FOXK2: variants seen among roughly 807,000 people sequenced by gnomAD.
FOXK2 encodes forkhead box K2.
Under a neutral mutation model 53.3 loss-of-function variants are expected in FOXK2, and 24 were observed. The ratio of observed to expected loss-of-function variants is 0.45; its 90% CI spans 0.33 to 0.63. The LOEUF is 0.63. Among genes scored for constraint, FOXK2 ranks in the 30% least tolerant of loss-of-function variants. The probability of loss-of-function intolerance (pLI) is 0.03; values close to 1 mark genes in which losing one functional copy is unlikely to be tolerated. For synonymous variants in FOXK2, 505 were observed against 407.1 expected, an observed-to-expected ratio of 1.24 and a Z score of -2.89; for missense variants, 952 against 910.5, an observed-to-expected ratio of 1.05 and a Z score of -0.59.
At position 82,582,821 on chromosome 17, in the gene FOXK2, G is replaced by A. The variant is rs762735443; in HGVS notation, c.990G>A (p.Ser330=). Residue 330 remains serine (S), a synonymous_variant, in exon 5 of 9, where the codon TCG becomes TCA. Transcript: ENST00000335255. The part of the protein sequence containing the change: ...PRSQEEPGKG[S]FWRIDPASES... ...CCCAGGAAGAACCAGGCAAAGGCTC[G>A]TTCTGGAGGATAGACCCAGCCTCTG... is the stretch of plus-strand genomic sequence containing the variant. 9 of 1,613,058 alleles carry A rather than the reference G, an allele frequency of 5.6e-6. No homozygotes were observed. The highest frequency in any genetic ancestry group is 2.7e-5 in the African/African-American group (2 of 74,876).
intron 1 of FOXK2, among the ~76,000 whole-genome samples, chr17:82,524,337 T>C (rs2044396720): frequency 6.6e-6 from 1 of 152,240 alleles, no homozygotes; most frequent in Non-Finnish European, 1.5e-5. Context: ...AAAATGAATT[T>C]ATGTTTTGAA....
At chr17:82,586,939 G>C in intron 7 of FOXK2, 124 bp from the exon 8 acceptor site, 2 of 864,292 alleles carry the variant, frequency 2.3e-6, no homozygotes, top group South Asian at 1.6e-5. Context: ...TTTCTAATTT[G>C]CTGTTTGTTT....
At chr17:82,539,147 C>T (rs762165911) in intron 1 of FOXK2, among the ~76,000 whole-genome samples, 4 of 149,018 alleles carry the variant, frequency 2.7e-5, no homozygotes, top group Admixed American at 2.0e-4. Flanking sequence ...GGTGGCCGGG[C>T]GTGGTGGCTC....
rs1160411637 is a variant in FOXK2, at chr17:82,519,944, G to C, written c.56G>C (p.Gly19Ala). 1 of 822,968 alleles carries C rather than the reference G, an allele frequency of 1.2e-6. No individual in the cohort carries two copies. Among genetic ancestry groups the C allele is most frequent in the Non-Finnish European group, 1.4e-6 (1 of 691,602 alleles). The allele number at this position is 822,968 out of a possible 1,614,324, so 51.0% of individuals were successfully genotyped here. A position where few individuals can be genotyped will look rare whatever the true frequency, so the allele number is the denominator to read the frequency against. The change falls in exon 1 of 9, where the codon GGG (glycine) becomes GCG (alanine). Residue 19 changes from glycine to alanine, a missense_variant. This residue lies in a region of FOXK2 where 163 missense variants were observed against 165.5 expected (regional missense o/e 0.98). Coordinates refer to ENST00000335255, the MANE Select transcript of FOXK2 (RefSeq NM_004514.4). ...SGAGTPPAGGGAGGGGAGGGG... is the reference protein window; with the variant it reads ...SGAGTPPAGGAAGGGGAGGGG... Reference sequence around the variant, plus strand: ...GCGGGCACGCCACCCGCGGGCGGCGGGGCCGGGGGCGGCGGGGCCGGGGGC... The same window carrying C: ...GCGGGCACGCCACCCGCGGGCGGCGCGGCCGGGGGCGGCGGGGCCGGGGGC...
intron 1 of FOXK2, among the ~76,000 whole-genome samples, chr17:82,529,258 T>C (rs932888761): frequency 1.2e-4 from 18 of 144,324 alleles, no homozygotes. Flanking sequence ...GGTCTTGCTC[T>C]GTTTCCCAGG....
chr17:82,576,876 C>A, intron 4 of FOXK2: 1 of 499,478 alleles, frequency 2.0e-6, no homozygotes, highest in Non-Finnish European at 3.6e-6. Context: ...AAAATGTATG[C>A]AGGCTGGGTG....
chr17:82,543,414 G>A (rs1050181402), intron 1 of FOXK2, among the ~76,000 whole-genome samples: 2 of 152,046 alleles, frequency 1.3e-5, no homozygotes, highest in Admixed American at 6.6e-5. Context: ...CTTTTAAGGG[G>A]CAGACTGATA....
chr17:82,582,465 T>A (rs2045075463), intron 4 of FOXK2, among the ~76,000 whole-genome samples: 1 of 152,200 alleles, frequency 6.6e-6, no homozygotes, highest in Middle Eastern at 3.2e-3. Context: ...GGAGGGCTGC[T>A]CCTTCCACAC....
chr17:82,521,566 C>T lies in FOXK2; in HGVS notation c.419+1259C>T, dbSNP rs117244838. On this transcript the variant is annotated intron_variant, in intron 1 of 8. Coordinates refer to ENST00000335255, the MANE Select transcript of FOXK2 (RefSeq NM_004514.4). The stretch of plus-strand genomic sequence containing the variant: ...CTTGCGTGTTGTGTGTGTGTGCATG[C>T]GCTGTTCTGTTTCTTAGCATGGAAA... Among the ~76,000 whole-genome samples the T allele has an allele frequency of 2.5e-4, 38 of 151,936 alleles. No homozygotes were observed. In the East Asian group the frequency reaches 7.0e-3, roughly 28 times the overall value.
At chr17:82,563,266 TG>T (rs2044816562) in intron 1 of FOXK2, 87 bp from the exon 2 acceptor site, 1 of 1,272,828 alleles carries the variant, frequency 7.9e-7, no homozygotes, top group Admixed American at 2.4e-5. Flanking sequence ...TGTTCTCAGC[TG>T]CTCCAGTGTT....
chr17:82,585,848 C>G (rs529602671), intron 6 of FOXK2, 56 bp from the exon 7 acceptor site: 98 of 1,556,200 alleles, frequency 6.3e-5, no homozygotes, highest in Non-Finnish European at 8.2e-5. Context: ...GTGTGAGAAC[C>G]TTTGTTTGTA....
chr17:82,558,263 G>A (rs2044753663), intron 1 of FOXK2, among the ~76,000 whole-genome samples: 4 of 152,166 alleles, frequency 2.6e-5, no homozygotes, highest in Non-Finnish European at 4.4e-5. Flanking sequence ...CCTTGAGCCT[G>A]GGAAGTTGAG....
chr17:82,554,442 C>T (rs1339997711), intron 1 of FOXK2, among the ~76,000 whole-genome samples: 1 of 152,132 alleles, frequency 6.6e-6, no homozygotes, highest in African/African-American at 2.4e-5. Flanking sequence ...CCACAAGAAA[C>T]TAGAACAGGA....
chr17:82,595,707 G>A, intron 8 of FOXK2: 1 of 1,204,220 alleles, frequency 8.3e-7, no homozygotes, highest in Non-Finnish European at 1.1e-6. Flanking sequence ...TATTAAGCCT[G>A]TGTCACTATT....
intron 8 of FOXK2, chr17:82,596,088 T>C: frequency 1.1e-6 from 1 of 897,050 alleles, no homozygotes; most frequent in Non-Finnish European, 1.4e-6. Context: ...GTAGACACAT[T>C]AGAGTCGGTT....
chr17:82,557,324 G>T (rs2044739169), intron 1 of FOXK2, among the ~76,000 whole-genome samples: 1 of 151,332 alleles, frequency 6.6e-6, no homozygotes, highest in South Asian at 2.1e-4. Context: ...GAGCCACCGT[G>T]CCTGGCCTAT....
chr17:82,587,220 C>G lies in FOXK2; in HGVS notation c.1734C>G (p.Asn578Lys). The G allele has an allele frequency of 6.2e-7, 1 of 1,613,064 alleles. No homozygotes were observed. Among genetic ancestry groups the G allele is most frequent in the Middle Eastern group, 1.6e-4 (1 of 6,062 alleles). ...HQLPIKTVTQ[N>K]GTHVASVPTA... ...TACCAATAAAAACTGTAACACAAAA[C>G]GGCACTCACGTGGCATCAGTCCCCA... The change falls in exon 8 of 9, where the codon AAC becomes AAG. Residue 578 changes from asparagine to lysine, a missense_variant. Coordinates refer to ENST00000335255, the MANE Select transcript of FOXK2 (RefSeq NM_004514.4).
chr17:82,572,207 T>A (rs1015268560), intron 4 of FOXK2: 1 of 197,324 alleles, frequency 5.1e-6, no homozygotes, highest in African/African-American at 2.3e-5. Context: ...TAGGAGAAAT[T>A]TAAAACCCAG....
rs557141919 is a variant in FOXK2, at chr17:82,575,947, C to G, written c.909+4077C>G. On this transcript the variant is annotated intron_variant, in intron 4 of 8. Coordinates refer to ENST00000335255, the MANE Select transcript of FOXK2 (RefSeq NM_004514.4). ...GCTTGGGTGGCGGCGGCGGGTTCAT[C>G]CACACCAGCGTGTGTGCTCGGGTGG... Among the ~76,000 whole-genome samples the G allele has an allele frequency of 7.3e-5, 10 of 136,230 alleles. No individual in the cohort carries two copies. The East Asian group carries it at 2.3e-3, about 31-fold the overall frequency. The allele number at this position is 136,230 out of a possible 152,430, so 89.4% of individuals were successfully genotyped here. A position where few individuals can be genotyped will look rare whatever the true frequency, so the allele number is the denominator to read the frequency against.
Sources: gnomAD v4.1 joint callset for allele counts (sites outside exome capture counted in the v4.1 genomes callset) on GRCh38, gnomAD v4.1.1 for gene constraint, gnomAD v4.1.1 regional missense constraint, MANE v1.5 for transcripts, NCBI Gene and HGNC (gene_info 2026-07-23, HGNC 2026-07-21) for gene names.